The following HIPK2 variants were observed in gnomAD, a reference collection of about 807,000 sequenced individuals.
The protein encoded by HIPK2 is homeodomain interacting protein kinase 2, also known as homeodomain-interacting protein kinase 2.
A neutral mutation model predicts 113.7 loss-of-function variants in HIPK2; 27 were observed. The observed-to-expected ratio is 0.24, with a 90% CI of 0.17 to 0.33. The LOEUF is 0.33. Ranked by LOEUF, HIPK2 falls within the 10% of genes least tolerant of loss-of-function variation. The pLI, the probability that HIPK2 is intolerant of heterozygous loss-of-function variation, is 1.00. For missense variants in HIPK2, 1,257 were observed against 1,588.0 expected (o/e 0.79, Z 3.54); for synonymous variants, 631 against 642.2 (o/e 0.98, Z 0.26).
At chr7:139,673,785 C>A (rs1372519005) in intron 2 of HIPK2, among the ~76,000 whole-genome samples, 1 of 149,004 alleles carries the variant, frequency 6.7e-6, no homozygotes, top group Non-Finnish European at 1.5e-5. Flanking sequence ...TGGTGGCTCA[C>A]ATCTGTAATC....
rs372850802 is a variant in HIPK2, at chr7:139,725,833, C to T, written c.20-8818G>A. ...TATAATTTGTCCAAAGTCACTTCGC[C>T]TCTGCTAGCAGGGCTGGGATTTGAA... On this transcript the variant is annotated intron_variant, in intron 1 of 14. Transcript: ENST00000406875. Among the ~76,000 whole-genome samples the T allele has an allele frequency of 4.7e-4, 71 of 152,344 alleles. No homozygotes were observed. The South Asian group carries it at 8.1e-3, about 17-fold the overall frequency.
intron 2 of HIPK2, among the ~76,000 whole-genome samples, chr7:139,651,100 TTG>T (rs1442730020): frequency 6.6e-6 from 1 of 152,188 alleles, no homozygotes; most frequent in Admixed American, 6.5e-5. Context: ...AGCTCTGGAT[TTG>T]TGTTTCCAAC....
chr7:139,645,747 G>A (rs1410772942), intron 2 of HIPK2, among the ~76,000 whole-genome samples: 1 of 152,072 alleles, frequency 6.6e-6, no homozygotes, highest in Non-Finnish European at 1.5e-5. Flanking sequence ...ACTCACTGAG[G>A]GTATGTTTTT....
chr7:139,602,711 G>A (rs908071625), intron 10 of HIPK2, among the ~76,000 whole-genome samples: 1 of 152,152 alleles, frequency 6.6e-6, no homozygotes, highest in Non-Finnish European at 1.5e-5. Flanking sequence ...TGCTGAGCAT[G>A]GGCCGATGTG....
chr7:139,701,587 A>T (rs2116850717), intron 2 of HIPK2, among the ~76,000 whole-genome samples: 1 of 152,310 alleles, frequency 6.6e-6, no homozygotes, highest in South Asian at 2.1e-4. Flanking sequence ...CAAGGGTGGC[A>T]GGCCATTCGT....
intron 7 of HIPK2, among the ~76,000 whole-genome samples, chr7:139,614,876 CG>C (rs1799979801): frequency 6.6e-6 from 1 of 152,220 alleles, no homozygotes; most frequent in African/African-American, 2.4e-5. Flanking sequence ...TCCCAATAAC[CG>C]GGAAGACCAG....
At chr7:139,591,629 C>G (rs1478512199) in intron 12 of HIPK2, among the ~76,000 whole-genome samples, 18 of 152,220 alleles carry the variant, frequency 1.2e-4, no homozygotes, top group Admixed American at 1.2e-3. Flanking sequence ...CTCTACTCAG[C>G]CCACTGGAGT....
At chr7:139,777,555 G>GGCCGCGGAGGGCGGCGGGC in intron 1 of HIPK2, 50 bp downstream of exon 1, 1 of 891,364 alleles carries the variant, frequency 1.1e-6, no homozygotes, top group Non-Finnish European at 1.4e-6. Flanking sequence ...AAGCTGCGGG[G>GGCCGCGGAGGGCGGCGGGC]GCCGCGGAGG....
chr7:139,628,789 A>G (rs1350009421), intron 5 of HIPK2, 164 bp downstream of exon 5: 3 of 192,892 alleles, frequency 1.6e-5, no homozygotes, highest in Non-Finnish European at 2.8e-5. Flanking sequence ...TTCACACACC[A>G]AATGGTATTC....
intron 2 of HIPK2, among the ~76,000 whole-genome samples, chr7:139,704,261 T>C (rs1794820970): frequency 8.1e-5 from 4 of 49,540 alleles, no homozygotes; most frequent in Non-Finnish European, 1.1e-4. Flanking sequence ...ACACCCACAC[T>C]ATACCCAACA....
chr7:139,728,672 T>C (rs1413257322), intron 1 of HIPK2, among the ~76,000 whole-genome samples: 3 of 152,220 alleles, frequency 2.0e-5, no homozygotes, highest in Admixed American at 2.0e-4. Flanking sequence ...ATTTAAGATA[T>C]GAATTTGGCA....
chr7:139,694,348 T>C (rs745555583), intron 2 of HIPK2, among the ~76,000 whole-genome samples: 1 of 151,846 alleles, frequency 6.6e-6, no homozygotes, highest in African/African-American at 2.4e-5. Context: ...CCTAGCCCAG[T>C]GATAGATACC....
intron 2 of HIPK2, among the ~76,000 whole-genome samples, chr7:139,668,745 T>C (rs1171127095): frequency 6.6e-6 from 1 of 152,218 alleles, no homozygotes; most frequent in Non-Finnish European, 1.5e-5. Context: ...ACAAATGCTA[T>C]TCAAAATTTC....
chr7:139,597,095 T>A, intron 11 of HIPK2, 97 bp from the exon 12 acceptor site: 1 of 1,355,800 alleles, frequency 7.4e-7, no homozygotes, highest in South Asian at 1.4e-5. Flanking sequence ...CTTTGCCAAA[T>A]CTCTGTAAAA....
At chr7:139,615,451 T>C (rs1800005657) in intron 7 of HIPK2, among the ~76,000 whole-genome samples, 1 of 152,238 alleles carries the variant, frequency 6.6e-6, no homozygotes, top group African/African-American at 2.4e-5. Flanking sequence ...TCCTCTTGCC[T>C]TTCTTTTTCA....
rs918087366 is a variant in HIPK2, at chr7:139,642,728, G to A, written c.1104-11003C>T. Among the ~76,000 whole-genome samples the A allele has an allele frequency of 2.6e-5, 4 of 152,114 alleles. No individual in the cohort carries two copies. In the South Asian group the frequency reaches 8.3e-4, roughly 32 times the overall value. ...AGGGTGATAGGCAGACAAGCAAAAG[G>A]AAAAAGGGACCCAGAGATGAAGCTC... On this transcript the variant is annotated intron_variant, in intron 2 of 14. Transcript: ENST00000406875.
intron 2 of HIPK2, among the ~76,000 whole-genome samples, chr7:139,692,900 AGCCAG>A (rs1794449092): frequency 6.6e-6 from 1 of 152,236 alleles, no homozygotes; most frequent in South Asian, 2.1e-4. Flanking sequence ...TGGGGCTAGA[AGCCAG>A]GTCGTTTGGT....
chr7:139,592,787 A>C (rs927330841), intron 12 of HIPK2, among the ~76,000 whole-genome samples: 3 of 152,254 alleles, frequency 2.0e-5, no homozygotes, highest in Non-Finnish European at 2.9e-5. Context: ...TATTTAAAAG[A>C]AGACCAGTTC....
chr7:139,765,350 A>T (rs1796536520), intron 1 of HIPK2, among the ~76,000 whole-genome samples: 1 of 152,218 alleles, frequency 6.6e-6, no homozygotes, highest in African/African-American at 2.4e-5. Flanking sequence ...GACAAGACTA[A>T]TAATATTTTC....
Sources: gnomAD v4.1 joint callset for allele counts (sites outside exome capture counted in the v4.1 genomes callset) on GRCh38, gnomAD v4.1.1 for gene constraint, MANE v1.5 for transcripts, NCBI Gene and HGNC (gene_info 2026-07-23, HGNC 2026-07-21) for gene names.